Variants in SEMA4D observed in about 807,000 individuals in gnomAD.
SEMA4D encodes semaphorin 4D.
SEMA4D carries 22 observed loss-of-function variants against 74.8 expected under a neutral mutation model. The observed-to-expected ratio is 0.29, with a 90% confidence interval of 0.21 to 0.42. SEMA4D has a LOEUF of 0.42. SEMA4D is among the 10% of genes least tolerant of loss of function. SEMA4D has a pLI of 1.00. For missense variants in SEMA4D, 937 were observed against 1,118.4 expected, an observed-to-expected ratio of 0.84 and a Z score of 2.31; for synonymous variants, 445 against 463.7, an observed-to-expected ratio of 0.96 and a Z score of 0.52.
At chr9:89,406,317 T>C (rs1454351670) in intron 2 of SEMA4D, among the ~76,000 whole-genome samples, 4 of 152,184 alleles carry the variant, frequency 2.6e-5, no homozygotes, top group Non-Finnish European at 5.9e-5. Context: ...CTGCTAGCTC[T>C]TCCAGTCTCA....
chr9:89,469,072 AT>A (rs965789719), intron 1 of SEMA4D, among the ~76,000 whole-genome samples: 2 of 152,170 alleles, frequency 1.3e-5, no homozygotes, highest in Non-Finnish European at 2.9e-5. Context: ...ATGTTAATAC[AT>A]TCCCAATTCC....
intron 1 of SEMA4D, among the ~76,000 whole-genome samples, chr9:89,486,598 C>T (rs1311441764): frequency 2.0e-5 from 3 of 152,150 alleles, no homozygotes; most frequent in South Asian, 4.1e-4. Flanking sequence ...TAATTAAAAG[C>T]CTCTCCATAA....
chr9:89,487,401 A>G (rs1280894912), intron 1 of SEMA4D, among the ~76,000 whole-genome samples: 2 of 152,108 alleles, frequency 1.3e-5, no homozygotes, highest in Admixed American at 1.3e-4. Context: ...AAGGCACTTC[A>G]TATCTTTACC....
chr9:89,430,966 G>T (rs568022691), intron 2 of SEMA4D, among the ~76,000 whole-genome samples: 1 of 152,328 alleles, frequency 6.6e-6, no homozygotes, highest in Admixed American at 6.5e-5. Context: ...GACAGAGCGA[G>T]ACTCCATCTT....
At chr9:89,459,254 G>GT (rs1039931653) in intron 1 of SEMA4D, among the ~76,000 whole-genome samples, 3 of 152,160 alleles carry the variant, frequency 2.0e-5, no homozygotes, top group African/African-American at 4.8e-5. Context: ...TGCTCTGGGG[G>GT]GGTCCAAGAA....
intron 2 of SEMA4D, among the ~76,000 whole-genome samples, chr9:89,411,084 CAG>C (rs1844430338): frequency 6.6e-6 from 1 of 152,142 alleles, no homozygotes; most frequent in African/African-American, 2.4e-5. Context: ...GGAGGAGAGG[CAG>C]AGAGAGCGGG....
intron 1 of SEMA4D, among the ~76,000 whole-genome samples, chr9:89,461,985 G>A (rs1349724834): frequency 6.6e-6 from 1 of 152,212 alleles, no homozygotes; most frequent in Non-Finnish European, 1.5e-5. Context: ...ACAGGCATGA[G>A]ACACTGTGCC....
intron 2 of SEMA4D, among the ~76,000 whole-genome samples, chr9:89,428,272 ATGG>A (rs1282512252): frequency 1.3e-5 from 2 of 152,116 alleles, no homozygotes; most frequent in African/African-American, 4.8e-5. Context: ...GGCCCCCGCC[ATGG>A]CCCATGCAGC....
At chr9:89,485,077 G>A (rs1210232787) in intron 1 of SEMA4D, among the ~76,000 whole-genome samples, 1 of 151,904 alleles carries the variant, frequency 6.6e-6, no homozygotes, top group East Asian at 1.9e-4. Context: ...AACAAGTATT[G>A]TTGCAGAAAA....
chr9:89,457,941 G>A (rs1005750743), intron 1 of SEMA4D, among the ~76,000 whole-genome samples: 6 of 152,142 alleles, frequency 3.9e-5, no homozygotes, highest in African/African-American at 1.4e-4. Flanking sequence ...GCTGAGACAG[G>A]AGAATCACTA....
Position 89,396,818 on chromosome 9 carries a change from G to A in SEMA4D, c.333C>T (p.Tyr111=), listed in dbSNP as rs775097087. 6.2e-6 allele frequency: 10 copies of A among 1,613,670 alleles called. No individual in the cohort carries two copies. The African/African-American group carries it at 9.3e-5, about 15-fold the overall frequency. ...CGCTGAGTGGCTGCAGCACCCGGAT[G>A]TAGTTGAGGCACTCTGTCTGCAGGG... ...GKSKQTECLN[Y]IRVLQPLSAT... is the part of the protein sequence containing the mutation. The change falls in exon 6 of 16, where the codon TAC becomes TAT. Residue 111 remains tyrosine, a synonymous_variant. Transcript: ENST00000422704.
chr9:89,435,626 G>A (rs531061779), intron 2 of SEMA4D, among the ~76,000 whole-genome samples: 1 of 152,198 alleles, frequency 6.6e-6, no homozygotes, highest in Non-Finnish European at 1.5e-5. Flanking sequence ...GGACAAACAA[G>A]GCCACCCAGG....
At chr9:89,454,260 C>T (rs1302855288) in intron 2 of SEMA4D, among the ~76,000 whole-genome samples, 1 of 152,166 alleles carries the variant, frequency 6.6e-6, no homozygotes, top group African/African-American at 2.4e-5. Flanking sequence ...CAAGGACTTA[C>T]ATATCCTGCC....
chr9:89,458,552 G>A (rs1564862323), intron 1 of SEMA4D, among the ~76,000 whole-genome samples: 1 of 151,552 alleles, frequency 6.6e-6, no homozygotes, highest in Non-Finnish European at 1.5e-5. Flanking sequence ...ACCCATCCAA[G>A]CAGACACACA....
At chr9:89,428,982 G>T (rs1246448487) in intron 2 of SEMA4D, among the ~76,000 whole-genome samples, 1 of 152,180 alleles carries the variant, frequency 6.6e-6, no homozygotes, top group Non-Finnish European at 1.5e-5. Flanking sequence ...AGACAGACAG[G>T]ATGGACCTAG....
Position 89,398,237 on chromosome 9 carries a change from A to G in SEMA4D, c.315+1039T>C, listed in dbSNP as rs541053620. 7.9e-5 allele frequency among the ~76,000 whole-genome samples: 12 copies of G among 152,220 alleles called. No individual in the cohort carries two copies. The South Asian group carries it at 2.5e-3, about 32-fold the overall frequency. On this transcript the variant is annotated intron_variant, in intron 5 of 15. Transcript: ENST00000422704. Reference sequence around the variant, plus strand: ...CACCCTGCCCTCATCCTGTGCCTATAAGAGCCCAGACTCAGTTGATAGAGA... The same window carrying G: ...CACCCTGCCCTCATCCTGTGCCTATGAGAGCCCAGACTCAGTTGATAGAGA...
chr9:89,449,234 A>G (rs983550536), intron 2 of SEMA4D, among the ~76,000 whole-genome samples: 1 of 152,268 alleles, frequency 6.6e-6, no homozygotes, highest in Admixed American at 6.5e-5. Flanking sequence ...ATGCAAAATA[A>G]TAGCACTTAA....
At chr9:89,450,117 T>C (rs1853988723) in intron 2 of SEMA4D, 2 of 1,247,400 alleles carry the variant, frequency 1.6e-6, no homozygotes, top group Non-Finnish European at 2.3e-6. Context: ...AGGTATGCTG[T>C]CACACCAGCT....
chr9:89,448,950 G>A (rs1853647779), intron 2 of SEMA4D, among the ~76,000 whole-genome samples: 1 of 152,152 alleles, frequency 6.6e-6, no homozygotes, highest in Non-Finnish European at 1.5e-5. Context: ...GGCAGGATGG[G>A]GCTCATCACA....
Sources: allele counts gnomAD v4.1 joint callset (sites outside exome capture counted in the v4.1 genomes callset), GRCh38; gene constraint gnomAD v4.1.1; transcripts MANE v1.5; gene names NCBI Gene and HGNC (gene_info 2026-07-23, HGNC 2026-07-21).